PDE4A: variants seen among roughly 807,000 people sequenced by gnomAD.
The protein encoded by PDE4A is 3',5'-cyclic-AMP phosphodiesterase 4A.
In PDE4A, 21 loss-of-function variants were observed where a neutral mutation model predicts 73.9. That is an observed-to-expected ratio of 0.28 (90% CI 0.20 to 0.41). PDE4A has a LOEUF of 0.41. Among genes scored for constraint, PDE4A ranks in the 10% least tolerant of loss-of-function variants. The probability of loss-of-function intolerance (pLI) is 1.00; values close to 1 mark genes in which losing one functional copy is unlikely to be tolerated. For synonymous variants in PDE4A, 463 were observed against 505.4 expected (o/e 0.92, Z 1.13); for missense variants, 958 against 1,211.4 (o/e 0.79, Z 3.10).
chr19:10,465,742 C>T (rs1420938185), intron 14 of PDE4A, among the ~76,000 whole-genome samples: 1 of 129,670 alleles, frequency 7.7e-6, no homozygotes, highest in Non-Finnish European at 1.6e-5. Flanking sequence ...CTCTCGTTCC[C>T]CAGGCTGGAG....
At position 10,420,662 on chromosome 19, in the gene PDE4A, G is replaced by A; in HGVS notation, c.-103G>A. ...GGGGCGCCATGGCCCTACCGCGGCC[G>A]GGCGCACCCGCGGGGCCCTGGGCTC... On this transcript the variant is annotated 5_prime_UTR_variant, in exon 1 of 15. Coordinates refer to ENST00000380702, the MANE Select transcript of PDE4A (RefSeq NM_001111307.2). This position sits in a 1 kb window ranked among gnomAD's most constrained non-coding sequence, Gnocchi z 6.0. The A allele has an allele frequency of 1.5e-6, 2 of 1,363,850 alleles. No homozygotes were observed. Among genetic ancestry groups the A allele is most frequent in the Non-Finnish European group, 1.9e-6 (2 of 1,066,568 alleles). The allele number at this position is 1,363,850 out of a possible 1,614,324, so 84.5% of individuals were successfully genotyped here.
At chr19:10,417,277 T>C, upstream of PDE4A, 2 of 984,578 alleles carry the variant, frequency 2.0e-6, no homozygotes, top group Non-Finnish European at 2.4e-6. Context: ...CTTGAGAGTC[T>C]CAGATGTGAG....
At chr19:10,420,416 CGGA>C (rs2042632918), upstream of PDE4A, 5 of 945,252 alleles carry the variant, frequency 5.3e-6, no homozygotes, top group Non-Finnish European at 6.2e-6. The surrounding 1 kb of genome is among the most constrained non-coding windows in gnomAD (Gnocchi z 6.0). Flanking sequence ...CTGGCCCGGA[CGGA>C]GGAGGAGGGG....
At chr19:10,461,385 C>T (rs1184077582) in intron 11 of PDE4A, 141 bp from the exon 12 acceptor site, 4 of 1,450,622 alleles carry the variant, frequency 2.8e-6, no homozygotes, top group Admixed American at 2.6e-5. Context: ...AAGGGGATGG[C>T]CGGGCTGGGG....
chr19:10,458,108 T>G lies in PDE4A; in HGVS notation c.1101+6T>G. On this transcript the variant is annotated splice_donor_region_variant and intron_variant, in intron 8 of 14. Coordinates refer to ENST00000380702, the MANE Select transcript of PDE4A (RefSeq NM_001111307.2). The surrounding 1 kb of genome is among the most constrained non-coding windows in gnomAD (Gnocchi z 4.6). ...AAGAAGAGCTCCTGGCCCAAGTGGG[T>G]GGGGGCTCAGTAGGGGCAGGGCTGG... The G allele has an allele frequency of 6.2e-7, 1 of 1,613,262 alleles. No homozygotes were observed. Among genetic ancestry groups the G allele is most frequent in the Non-Finnish European group, 8.5e-7 (1 of 1,179,786 alleles).
chr19:10,430,346 G>C (rs2042770827), intron 1 of PDE4A, among the ~76,000 whole-genome samples: 1 of 151,880 alleles, frequency 6.6e-6, no homozygotes, highest in African/African-American at 2.4e-5. Flanking sequence ...GGAGAGCTAT[G>C]AGAGTGCCCT....
At chr19:10,450,374 C>A in intron 4 of PDE4A, 1 of 433,430 alleles carries the variant, frequency 2.3e-6, no homozygotes, top group Non-Finnish European at 3.1e-6. Context: ...GCGGATCAGC[C>A]ATGTGGTCTT....
upstream of PDE4A, chr19:10,417,729 C>T (rs757766360): frequency 6.3e-7 from 1 of 1,590,206 alleles, no homozygotes; most frequent in East Asian, 2.3e-5. Flanking sequence ...CCCTCGCCGC[C>T]GCCTCTCGTC....
chr19:10,461,772 C>A, intron 12 of PDE4A, 92 bp downstream of exon 12: 2 of 1,583,834 alleles, frequency 1.3e-6, no homozygotes, highest in South Asian at 1.1e-5. Context: ...GAGGAACCCT[C>A]AACCTGGACA....
intron 7 of PDE4A, among the ~76,000 whole-genome samples, chr19:10,456,990 G>C (rs530062372): frequency 6.6e-6 from 1 of 152,260 alleles, no homozygotes; most frequent in Admixed American, 6.5e-5. Flanking sequence ...TTGAGGTCAG[G>C]AGTTCAAGAC....
chr19:10,425,984 C>CAAAAAAAAAAAA lies in PDE4A; in HGVS notation c.320+4918_320+4929dup, dbSNP rs1168197109. ...TCTGGGCGAGAGACTGAGACCCTGT[C>CAAAAAAAAAAAA]AAAAAAAAAAAAAAAAAAAAAAAAA... On this transcript the variant is annotated intron_variant, in intron 1 of 14. Coordinates refer to ENST00000380702, the MANE Select transcript of PDE4A (RefSeq NM_001111307.2). 6.2e-5 allele frequency among the ~76,000 whole-genome samples: 3 copies of CAAAAAAAAAAAA among 48,384 alleles called. 1 individual carries two copies. The highest frequency in any genetic ancestry group is 2.8e-4 in the African/African-American group (3 of 10,748). The allele number at this position is 48,384 out of a possible 152,430, so 31.7% of individuals were successfully genotyped here. A position where few individuals can be genotyped will look rare whatever the true frequency, so the allele number is the denominator to read the frequency against.
intron 11 of PDE4A, 129 bp from the exon 12 acceptor site, chr19:10,461,397 A>G: frequency 2.7e-6 from 4 of 1,468,244 alleles, no homozygotes; most frequent in Non-Finnish European, 3.6e-6. Flanking sequence ...GGGCTGGGGT[A>G]GAGCTGACTG....
Position 10,459,511 on chromosome 19 carries a change from G to T in PDE4A, c.1200+13G>T. On this transcript the variant is annotated intron_variant, in intron 9 of 14. Coordinates refer to ENST00000380702, the MANE Select transcript of PDE4A (RefSeq NM_001111307.2). ...CATGATATTCCAGGTGATGGGGACA[G>T]CTGGGAGTGGGCCCGGGTGAGGGGC... 6.2e-7 allele frequency: 1 copy of T among 1,612,664 alleles called. No individual in the cohort carries two copies. Among genetic ancestry groups the T allele is most frequent in the Non-Finnish European group, 8.5e-7 (1 of 1,178,768 alleles).
rs199815600 is a variant in PDE4A at position 10,468,035 on chromosome 19, G to A, written c.*414G>A. The A allele has an allele frequency of 2.9e-4, 45 of 155,302 alleles. No homozygotes were observed. The highest frequency in any genetic ancestry group is 1.6e-4 in the Non-Finnish European group (11 of 70,302). The allele number at this position is 155,302 out of a possible 1,614,324, so 9.6% of individuals were successfully genotyped here. ...AAGTTCCAGGCTCAGTCTTCCAGCC[G>A]CCTGGGGAGTCTCTACCTGGGCCCA... On this transcript the variant is annotated 3_prime_UTR_variant, in exon 15 of 15. Coordinates refer to ENST00000380702, the MANE Select transcript of PDE4A (RefSeq NM_001111307.2).
chr19:10,443,094 G>C (rs183886230), intron 1 of PDE4A, among the ~76,000 whole-genome samples: 62 of 151,908 alleles, frequency 4.1e-4, no homozygotes, highest in African/African-American at 1.4e-3. Flanking sequence ...TGGGGGGATC[G>C]CTAGAGTCCA....
rs776401286 is a variant in PDE4A at position 10,420,902 on chromosome 19, C to T, written c.138C>T (p.Arg46=). The part of the protein sequence containing the change: ...QPRTPIRIQQ[R]GYSDSAERAE... ...GGACCCCCATCCGTATCCAGCAGCG[C>T]GGCTACTCCGACAGCGCGGAGCGCG... The change falls in exon 1 of 15, where the codon CGC becomes CGT. Residue 46 remains arginine (R), a synonymous_variant. Transcript: ENST00000380702. This position sits in a 1 kb window ranked among gnomAD's most constrained non-coding sequence, Gnocchi z 6.0. 1 of 1,587,464 alleles carries T rather than the reference C, an allele frequency of 6.3e-7. No individual in the cohort carries two copies. The highest frequency in any genetic ancestry group is 8.5e-7 in the Non-Finnish European group (1 of 1,175,278).
At position 10,467,485 on chromosome 19, in the gene PDE4A, C is replaced by A. The variant is rs143733442; in HGVS notation, c.2525C>A (p.Thr842Lys). The change falls in exon 15 of 15, where the codon ACG becomes AAG. Residue 842 changes from threonine to lysine, a missense_variant. Thr to Lys is a moderately conservative substitution (Grantham distance 78, BLOSUM62 -1). Around this residue, in one of 3 missense-constraint regions of PDE4A, gnomAD observed 243 missense variants for 245.9 expected, o/e 0.99. Coordinates refer to ENST00000380702, the MANE Select transcript of PDE4A (RefSeq NM_001111307.2). ...CCGGGCCTCCCGGGCCTCCCCTCCACGGCGGCCGAGGTGGAGGCCCAACGA... is the reference window on the plus strand; with the variant it reads ...CCGGGCCTCCCGGGCCTCCCCTCCAAGGCGGCCGAGGTGGAGGCCCAACGA... ...HAPGLPGLPS[T>K]AAEVEAQREH... 54 of 1,612,776 alleles carry A rather than the reference C, an allele frequency of 3.3e-5. No homozygotes were observed. The highest frequency in any genetic ancestry group is 4.2e-5 in the Non-Finnish European group (49 of 1,179,770).
chr19:10,446,288 C>G lies in PDE4A; in HGVS notation c.391C>G (p.Leu131Val). 1 of 1,609,812 alleles carries G rather than the reference C, an allele frequency of 6.2e-7. No individual in the cohort carries two copies. The highest frequency in any genetic ancestry group is 1.1e-5 in the South Asian group (1 of 90,486). Reference protein sequence around the residue: ...SPLDSQASPGLVLHAGAATSQ... With the variant: ...SPLDSQASPGVVLHAGAATSQ... ...CCTGGACTCGCAGGCGAGCCCAGGACTCGTGCTGCACGCCGGGGCGGCCAC... is the reference window on the plus strand; with the variant it reads ...CCTGGACTCGCAGGCGAGCCCAGGAGTCGTGCTGCACGCCGGGGCGGCCAC... Residue 131 changes from leucine (L) to valine (V), a missense_variant, in exon 2 of 15, where the codon CTC becomes GTC. By Grantham distance (32) the Leu-to-Val change is conservative. This residue lies in a region of PDE4A where 570 missense variants were observed against 827.7 expected (regional missense o/e 0.69). Coordinates refer to ENST00000380702, the MANE Select transcript of PDE4A (RefSeq NM_001111307.2).
upstream of PDE4A, chr19:10,417,654 C>T (rs769351954): frequency 1.2e-5 from 19 of 1,589,850 alleles, no homozygotes; most frequent in Admixed American, 5.1e-5. Context: ...CTTTGTCCCT[C>T]CCCAGAGGTC....
Sources: allele counts gnomAD v4.1 joint callset (sites outside exome capture counted in the v4.1 genomes callset), GRCh38; gene constraint gnomAD v4.1.1; regional missense constraint gnomAD v4.1.1; non-coding constraint Gnocchi (gnomAD v3.1); transcripts MANE v1.5; gene names NCBI Gene and HGNC (gene_info 2026-07-23, HGNC 2026-07-21).